The following GFRA2 variants were observed in gnomAD, a reference collection of about 807,000 sequenced individuals.
The protein encoded by GFRA2 is GDNF family receptor alpha 2.
Under a neutral mutation model 48.3 loss-of-function variants are expected in GFRA2, and 17 were observed. The ratio of observed to expected loss-of-function variants is 0.35; its 90% CI spans 0.24 to 0.53. The LOEUF is 0.53. Ranked by LOEUF, GFRA2 falls within the 20% of genes least tolerant of loss-of-function variation. GFRA2 has a pLI of 0.93. For synonymous variants in GFRA2, 305 were observed against 257.2 expected, an observed-to-expected ratio of 1.19 and a Z score of -1.78; for missense variants, 660 against 637.3, an observed-to-expected ratio of 1.04 and a Z score of -0.38.
At chr8:21,710,649 C>G (rs945696611) in intron 4 of GFRA2, among the ~76,000 whole-genome samples, 17 of 152,322 alleles carry the variant, frequency 1.1e-4, no homozygotes, top group African/African-American at 4.1e-4. Flanking sequence ...CTGACAAGAG[C>G]ACCCCCTCAC....
At chr8:21,756,691 A>C (rs1323941814) in intron 3 of GFRA2, among the ~76,000 whole-genome samples, 2 of 152,210 alleles carry the variant, frequency 1.3e-5, no homozygotes, top group Non-Finnish European at 2.9e-5. Flanking sequence ...GACCCCTCAC[A>C]GTCCTTGCCT....
chr8:21,706,780 A>T (rs62492240), intron 4 of GFRA2, among the ~76,000 whole-genome samples: 32,861 of 152,098 alleles, frequency 0.22, 3,697 homozygotes, highest in African/African-American at 0.27. Context: ...TATGTTCCCC[A>T]CTGGGCCATG....
intron 4 of GFRA2, chr8:21,706,247 G>T: frequency 1.5e-6 from 1 of 647,964 alleles, no homozygotes; most frequent in Non-Finnish European, 2.8e-6. Context: ...TTCCCGGAGA[G>T]ACAGGCACAT....
At chr8:21,794,545 C>T (rs1271769093) in intron 2 of GFRA2, among the ~76,000 whole-genome samples, 2 of 152,190 alleles carry the variant, frequency 1.3e-5, no homozygotes, top group Admixed American at 6.5e-5. Context: ...GCCACCACAC[C>T]CAGCTGACCA....
At chr8:21,783,251 G>T (rs1563265117) in intron 1 of GFRA2, 1 of 429,674 alleles carries the variant, frequency 2.3e-6, no homozygotes. Context: ...GCTGGGGGCT[G>T]CATGGCTTGC....
intron 3 of GFRA2, among the ~76,000 whole-genome samples, chr8:21,772,612 C>G (rs966592126): frequency 1.3e-5 from 2 of 152,146 alleles, no homozygotes; most frequent in Non-Finnish European, 2.9e-5. Context: ...TGAGGAGGGA[C>G]CGGCACAGTC....
chr8:21,696,177 C>T (rs1216286567), intron 7 of GFRA2, among the ~76,000 whole-genome samples: 1 of 138,536 alleles, frequency 7.2e-6, no homozygotes, highest in Non-Finnish European at 1.6e-5. Context: ...CCTCTTTCTC[C>T]CCTCCCCTCT....
At chr8:21,803,603 A>G (rs1017040875) in intron 2 of GFRA2, among the ~76,000 whole-genome samples, 28 of 152,310 alleles carry the variant, frequency 1.8e-4, no homozygotes, top group African/African-American at 6.7e-4. Context: ...GACTCAGATG[A>G]GCACAGAGTT....
At chr8:21,702,692 T>C in intron 7 of GFRA2, 113 bp downstream of exon 7, 1 of 1,094,452 alleles carries the variant, frequency 9.1e-7, no homozygotes, top group African/African-American at 1.6e-5. Context: ...TCCCTGCCTC[T>C]TGGGTCCCTG....
intron 4 of GFRA2, among the ~76,000 whole-genome samples, chr8:21,729,272 G>A (rs1236460168): frequency 6.6e-6 from 1 of 152,204 alleles, no homozygotes; most frequent in African/African-American, 2.4e-5. Flanking sequence ...TGAGGCTGCA[G>A]TGAGCCGTGA....
chr8:21,717,836 G>C (rs559909451), intron 4 of GFRA2, among the ~76,000 whole-genome samples: 3 of 152,136 alleles, frequency 2.0e-5, no homozygotes, highest in Admixed American at 1.3e-4. Flanking sequence ...AAGACCTCAG[G>C]GGGGCTGCTA....
At chr8:21,760,364 G>T (rs370553466) in intron 3 of GFRA2, among the ~76,000 whole-genome samples, 7 of 152,260 alleles carry the variant, frequency 4.6e-5, no homozygotes, top group African/African-American at 1.7e-4. Context: ...GCTGGGGTGG[G>T]GTGGTGACTG....
At chr8:21,787,065 C>T (rs948513830) in intron 1 of GFRA2, among the ~76,000 whole-genome samples, 16 of 152,136 alleles carry the variant, frequency 1.1e-4, no homozygotes, top group African/African-American at 3.6e-4. Context: ...TGGCAGCAGC[C>T]CTGCCTGGGA....
At chr8:21,767,192 C>T (rs966629741) in intron 3 of GFRA2, among the ~76,000 whole-genome samples, 8 of 149,560 alleles carry the variant, frequency 5.3e-5, no homozygotes, top group South Asian at 2.1e-4. Context: ...CACACATCAC[C>T]GCCTACACAT....
At chr8:21,757,826 G>C (rs997947538) in intron 3 of GFRA2, among the ~76,000 whole-genome samples, 2 of 152,162 alleles carry the variant, frequency 1.3e-5, no homozygotes, top group African/African-American at 4.8e-5. Flanking sequence ...CTTAAATAAT[G>C]AATCTGTTTA....
chr8:21,695,310 G>A (rs150873005), intron 7 of GFRA2, among the ~76,000 whole-genome samples: 168 of 152,274 alleles, frequency 1.1e-3, no homozygotes, highest in South Asian at 3.5e-3. Context: ...GGGATGCAGC[G>A]CTTCCATCCA....
At chr8:21,810,823 C>T (rs1807964529) in intron 1 of GFRA2, among the ~76,000 whole-genome samples, 2 of 152,158 alleles carry the variant, frequency 1.3e-5, no homozygotes, top group Non-Finnish European at 2.9e-5. Flanking sequence ...CTCCTGGGAA[C>T]CAGACTTGGT....
intron 4 of GFRA2, among the ~76,000 whole-genome samples, chr8:21,714,720 C>T (rs4077793): frequency 0.7 from 106,814 of 152,004 alleles, 37,773 homozygotes; most frequent in East Asian, 0.8. Flanking sequence ...GCATATTTCA[C>T]AATGAGGACA....
rs1410077632 is a variant in GFRA2 at position 21,798,722 on chromosome 8, C to T, written c.-36+6295G>A. Among the ~76,000 whole-genome samples, 6 of 152,284 alleles carry T rather than the reference C, an allele frequency of 3.9e-5. No homozygotes were observed. In the South Asian group the frequency reaches 1.2e-3, roughly 32 times the overall value. On this transcript the variant is annotated intron_variant, in intron 2 of 10. Transcript: ENST00000517328. ...CCCATGGTGAGTTCTGGGGACCACC[C>T]TTCGCTATCTGTTTCAGGATGAGTA...
Sources: gnomAD v4.1 joint callset for allele counts (sites outside exome capture counted in the v4.1 genomes callset) on GRCh38, gnomAD v4.1.1 for gene constraint, MANE v1.5 for transcripts, NCBI Gene and HGNC (gene_info 2026-07-23, HGNC 2026-07-21) for gene names.